ZNF567: variants seen among roughly 807,000 people sequenced by gnomAD.
ZNF567 encodes the protein zinc finger protein 567.
ZNF567 carries 36 observed loss-of-function variants against 53.9 expected under a neutral mutation model. The ratio of observed to expected loss-of-function variants is 0.67; its 90% CI spans 0.51 to 0.88. The LOEUF is 0.88. Ranked by LOEUF, ZNF567 falls within the 40% of genes least tolerant of loss-of-function variation. The pLI, the probability that ZNF567 is intolerant of heterozygous loss-of-function variation, is 0.00. For missense variants in ZNF567, 619 were observed against 764.7 expected, an observed-to-expected ratio of 0.81 and a Z score of 2.25; for synonymous variants, 224 against 260.4, an observed-to-expected ratio of 0.86 and a Z score of 1.35.
At chr19:36,695,164 C>A (rs1266955388) in intron 3 of ZNF567, among the ~76,000 whole-genome samples, 1 of 151,110 alleles carries the variant, frequency 6.6e-6, no homozygotes, top group Non-Finnish European at 1.5e-5. Context: ...AGGAGAATTG[C>A]GAGTCCAGGA....
At chr19:36,702,119 G>C (rs940557825) in intron 3 of ZNF567, among the ~76,000 whole-genome samples, 4 of 151,944 alleles carry the variant, frequency 2.6e-5, no homozygotes, top group East Asian at 3.9e-4. Context: ...GGCAGGCCTG[G>C]TGGTGACAAA....
the ZNF567 span, among the ~76,000 whole-genome samples, chr19:36,681,061 T>A: frequency 6.6e-6 from 1 of 152,232 alleles, no homozygotes; most frequent in Non-Finnish European, 1.5e-5. Context: ...ATATCCTGTC[T>A]CACCAACAGA....
intron 3 of ZNF567, chr19:36,711,348 C>T (rs2039777388): frequency 6.6e-6 from 1 of 152,152 alleles, no homozygotes; most frequent in Non-Finnish European, 1.5e-5. Context: ...TTTCTGTCCT[C>T]CCGTCACCTT....
chr19:36,697,819 C>A (rs191756056), intron 3 of ZNF567, among the ~76,000 whole-genome samples: 1 of 151,614 alleles, frequency 6.6e-6, no homozygotes, highest in African/African-American at 2.4e-5. Context: ...ACCATATTGG[C>A]GAGGCTGGTC....
intron 3 of ZNF567, 152 bp from the exon 4 acceptor site, chr19:36,712,234 C>T (rs1351667549): frequency 3.1e-6 from 2 of 639,728 alleles, no homozygotes; most frequent in East Asian, 6.5e-5. Flanking sequence ...TTTTAGTAGA[C>T]ATGGGGTTTC....
rs529930427 is a variant in ZNF567 at position 36,720,444 on chromosome 19, T to A, written c.1720T>A (p.Ser574Thr). Residue 574 changes from serine (S) to threonine (T), a missense_variant, in exon 6 of 6, where the codon TCA becomes ACA. By Grantham distance (58) the Ser-to-Thr change is moderately conservative. Coordinates refer to ENST00000682579, the MANE Select transcript of ZNF567 (RefSeq NM_001322917.1). ...GTGTGGGAAAGCCTTTAGCAGGAAG[T>A]CATATCTCATTCATCATCAAAGAAC... The part of the protein sequence containing the change: ...PQCGKAFSRK[S>T]YLIHHQRTHT... The A allele has an allele frequency of 6.2e-7, 1 of 1,613,598 alleles. No homozygotes were observed. The highest frequency in any genetic ancestry group is 1.3e-5 in the African/African-American group (1 of 74,850).
chr19:36,698,932 C>T (rs956660671), intron 3 of ZNF567, among the ~76,000 whole-genome samples: 2 of 152,132 alleles, frequency 1.3e-5, no homozygotes, highest in African/African-American at 4.8e-5. Flanking sequence ...TTAATTAGAT[C>T]CCATTTGTCA....
Position 36,694,834 on chromosome 19 carries a change from G to T in ZNF567, c.-34G>T, listed in dbSNP as rs1268988491. 6.6e-7 allele frequency: 1 copy of T among 1,521,264 alleles called. No homozygotes were observed. The highest frequency in any genetic ancestry group is 8.7e-7 in the Non-Finnish European group (1 of 1,143,028). 94.2% of individuals were successfully genotyped at this position (1,521,264 alleles called of 1,614,324 possible). The stretch of plus-strand genomic sequence containing the variant: ...CTCTTTTCTAAAGAGGACTCCAAAG[G>T]AAGGACTGGTCATCTCTTTCATATC... On this transcript the variant is annotated 5_prime_UTR_variant, in exon 3 of 6. Transcript: ENST00000682579.
At chr19:36,697,719 C>G (rs998616871) in intron 3 of ZNF567, among the ~76,000 whole-genome samples, 2 of 150,908 alleles carry the variant, frequency 1.3e-5, no homozygotes, top group Non-Finnish European at 2.9e-5. Flanking sequence ...TCAAGCGATT[C>G]TGGTGCGTCA....
intron 3 of ZNF567, among the ~76,000 whole-genome samples, chr19:36,701,440 C>G: frequency 6.7e-6 from 1 of 149,788 alleles, no homozygotes; most frequent in Non-Finnish European, 1.5e-5. Context: ...CTATTAGGTC[C>G]GCTTGGTGCA....
At position 36,719,330 on chromosome 19, in the gene ZNF567, A is replaced by G. The variant is rs1002395056; in HGVS notation, c.606A>G (p.Lys202=). 1.9e-6 allele frequency: 3 copies of G among 1,612,612 alleles called. No individual in the cohort carries two copies. In the African/African-American group the frequency reaches 4.0e-5, roughly 22 times the overall value. ...ATGAAGTTCTTATGCAGTATCAGAA[A>G]ACGGAAACTCCAGCACAGTCATTTG... ...SHNEVLMQYQ[K]TETPAQSFGY... Residue 202 remains lysine (K), a synonymous_variant, in exon 6 of 6, where the codon AAA becomes AAG. Coordinates refer to ENST00000682579, the MANE Select transcript of ZNF567 (RefSeq NM_001322917.1).
chr19:36,698,806 A>G (rs1373071623), intron 3 of ZNF567, among the ~76,000 whole-genome samples: 1 of 152,138 alleles, frequency 6.6e-6, no homozygotes, highest in Non-Finnish European at 1.5e-5. Context: ...AGTTCATTAT[A>G]GATTCTGGAT....
chr19:36,719,274 C>A lies in ZNF567; in HGVS notation c.550C>A (p.His184Asn). 1 of 1,613,966 alleles carries A rather than the reference C, an allele frequency of 6.2e-7. No individual in the cohort carries two copies. The highest frequency in any genetic ancestry group is 8.5e-7 in the Non-Finnish European group (1 of 1,179,982). Residue 184 changes from histidine to asparagine, a missense_variant, in exon 6 of 6, where the codon CAT becomes AAT. By Grantham distance (68) the His-to-Asn change is moderately conservative. Coordinates refer to ENST00000682579, the MANE Select transcript of ZNF567 (RefSeq NM_001322917.1). ...GACTACTCATCCTGAAGTCAAATCC[C>A]ATAATCAAAGTGCCAGAGCTTTCAG... ...QETTHPEVKS[H>N]NQSARAFSHN...
chr19:36,696,665 A>G lies in ZNF567; in HGVS notation c.9+1789A>G, dbSNP rs75553823. On this transcript the variant is annotated intron_variant, in intron 3 of 5. Coordinates refer to ENST00000682579, the MANE Select transcript of ZNF567 (RefSeq NM_001322917.1). ...GTTCCCTCCATCCTCCACTGATACC[A>G]TCCTTATTTGGGTTCCTTTCTCATA... Among the ~76,000 whole-genome samples the G allele has an allele frequency of 5.5e-3, 836 of 152,166 alleles. 24 individuals carry two copies. The highest frequency in any genetic ancestry group is 0.037 in the Admixed American group (564 of 15,254).
chr19:36,691,406 TC>T (rs1400229282), intron 2 of ZNF567, among the ~76,000 whole-genome samples: 2 of 152,002 alleles, frequency 1.3e-5, no homozygotes, highest in East Asian at 3.9e-4. Context: ...GCTCAAGTGA[TC>T]TGCCCACCTT....
At chr19:36,671,526 C>T in the ZNF567 span, among the ~76,000 whole-genome samples, 1 of 152,182 alleles carries the variant, frequency 6.6e-6, no homozygotes, top group East Asian at 1.9e-4. Context: ...CCCAACAGGA[C>T]CAGGCTGCTG....
chr19:36,681,738 CT>C, the ZNF567 span, among the ~76,000 whole-genome samples: 1,131 of 142,292 alleles, frequency 7.9e-3, 3 homozygotes, highest in Admixed American at 9.9e-3. Context: ...GCCAAGTTTT[CT>C]TTTTTTTTTT....
intron 5 of ZNF567, among the ~76,000 whole-genome samples, chr19:36,713,165 T>G (rs935976050): frequency 6.6e-6 from 1 of 151,758 alleles, no homozygotes. Flanking sequence ...AAATAAAAAA[T>G]TAGCCAAGGT....
intron 1 of ZNF567, among the ~76,000 whole-genome samples, chr19:36,687,904 C>T (rs1347835650): frequency 6.6e-6 from 1 of 152,158 alleles, no homozygotes; most frequent in Non-Finnish European, 1.5e-5. Context: ...GCAGGAATTT[C>T]GTCTGATTTT....
Sources: gnomAD v4.1 joint callset for allele counts (sites outside exome capture counted in the v4.1 genomes callset) on GRCh38, gnomAD v4.1.1 for gene constraint, MANE v1.5 for transcripts, NCBI Gene and HGNC (gene_info 2026-07-23, HGNC 2026-07-21) for gene names.